The following FAM234B variants were observed in gnomAD, a reference collection of about 807,000 sequenced individuals.
FAM234B encodes the protein protein FAM234B.
A neutral mutation model predicts 69.3 loss-of-function variants in FAM234B; 33 were observed. That is an observed-to-expected ratio of 0.48 (90% CI 0.36 to 0.64). The LOEUF (loss-of-function observed/expected upper bound fraction) is 0.64, where lower values mean the gene tolerates loss of function less well. Among genes scored for constraint, FAM234B ranks in the 30% least tolerant of loss-of-function variants. The pLI is 0.00. For missense variants in FAM234B, 697 were observed against 769.7 expected (o/e 0.91, Z 1.12); for synonymous variants, 306 against 306.9 (o/e 1.00, Z 0.03).
chr12:13,059,486 C>T (rs970647655), intron 3 of FAM234B, among the ~76,000 whole-genome samples: 4 of 152,176 alleles, frequency 2.6e-5, no homozygotes, highest in Non-Finnish European at 5.9e-5. Context: ...AGAAAAAATG[C>T]GTTCTGATTT....
At chr12:13,072,628 G>T (rs1865118380) in intron 10 of FAM234B, among the ~76,000 whole-genome samples, 1 of 151,680 alleles carries the variant, frequency 6.6e-6, no homozygotes, top group Non-Finnish European at 1.5e-5. Context: ...TATCTGGGAG[G>T]CTGAGGCAGG....
intron 4 of FAM234B, chr12:13,062,040 CTGTTCTT>C (rs1864989972): frequency 3.4e-6 from 1 of 295,746 alleles, no homozygotes. Context: ...TCTCCCAACT[CTGTTCTT>C]TGTACAAAAG....
chr12:13,081,508 T>C lies in FAM234B; in HGVS notation c.*878T>C, dbSNP rs1865225573. 6.6e-6 allele frequency: 1 copy of C among 152,240 alleles called. No individual in the cohort carries two copies. The highest frequency in any genetic ancestry group is 1.5e-5 in the Non-Finnish European group (1 of 68,050). The allele number at this position is 152,240 out of a possible 1,614,324, so 9.4% of individuals were successfully genotyped here. A position where few individuals can be genotyped will look rare whatever the true frequency, so the allele number is the denominator to read the frequency against. On this transcript the variant is annotated 3_prime_UTR_variant, in exon 13 of 13. Transcript: ENST00000197268. ...GAGGAGAACTGGAAGTCAGGAGCCT[T>C]TGATGTCCTTATCCTGCTGTATGTC... is the stretch of plus-strand genomic sequence containing the variant.
At chr12:13,053,757 C>A (rs901298023) in intron 1 of FAM234B, among the ~76,000 whole-genome samples, 9 of 152,144 alleles carry the variant, frequency 5.9e-5, no homozygotes, top group Non-Finnish European at 1.0e-4. Flanking sequence ...CCAAAATTTA[C>A]CAGGCTGGAA....
In FAM234B at chr12:13,061,560, CTT is replaced by C. The variant is rs751493428; in HGVS notation, c.533-14_533-13del. Reference sequence around the variant, plus strand: ...TGCCTGCTTTCCTTTTTTTATCTCTCTTGTGTGCTTTTAGGTGTCTCAAGACC... The same window carrying C: ...TGCCTGCTTTCCTTTTTTTATCTCTCGTGTGCTTTTAGGTGTCTCAAGACC... On this transcript the variant is annotated splice_polypyrimidine_tract_variant and intron_variant, in intron 3 of 12. Transcript: ENST00000197268. The C allele has an allele frequency of 6.2e-7, 1 of 1,600,730 alleles. No homozygotes were observed. The highest frequency in any genetic ancestry group is 1.1e-5 in the South Asian group (1 of 89,640).
chr12:13,045,587 G>C (rs775221162), intron 1 of FAM234B, among the ~76,000 whole-genome samples: 3 of 151,874 alleles, frequency 2.0e-5, no homozygotes, highest in Non-Finnish European at 4.4e-5. Context: ...ATTAATTTGC[G>C]TTTCTGTCCC....
At chr12:13,072,689 A>G (rs10845703) in intron 10 of FAM234B, among the ~76,000 whole-genome samples, 3 of 150,604 alleles carry the variant, frequency 2.0e-5, no homozygotes, top group Non-Finnish European at 3.0e-5. Context: ...GAGATCATGC[A>G]ATTGCACTCC....
intron 5 of FAM234B, among the ~76,000 whole-genome samples, chr12:13,064,102 A>C (rs1865012639): frequency 6.6e-6 from 1 of 152,222 alleles, no homozygotes; most frequent in Admixed American, 6.5e-5. Flanking sequence ...GCTCTAGCAC[A>C]CTAAACTCTC....
intron 9 of FAM234B, among the ~76,000 whole-genome samples, chr12:13,069,327 A>G (rs1591600861): frequency 6.6e-6 from 1 of 151,704 alleles, no homozygotes; most frequent in African/African-American, 2.4e-5. Context: ...CAGAGTTACA[A>G]TTTTTTTTTA....
chr12:13,054,253 A>G (rs1394120793), intron 1 of FAM234B, among the ~76,000 whole-genome samples: 1 of 140,366 alleles, frequency 7.1e-6, no homozygotes, highest in Non-Finnish European at 1.5e-5. Context: ...TGTCCATGAA[A>G]TCTTACAATT....
chr12:13,083,370 G>A lies in FAM234B; in HGVS notation c.*2740G>A, dbSNP rs148641572. 2.2e-4 allele frequency: 34 copies of A among 152,524 alleles called. No homozygotes were observed. Among genetic ancestry groups the A allele is most frequent in the African/African-American group, 7.5e-4 (31 of 41,452 alleles). The allele number at this position is 152,524 out of a possible 1,614,324, so 9.4% of individuals were successfully genotyped here. A position where few individuals can be genotyped will look rare whatever the true frequency, so the allele number is the denominator to read the frequency against. Reference sequence around the variant, plus strand: ...CTATCCTTATTGCCCTATTAAAGAAGAGCCAGCTGGTATATTGTCAGGAAG... The same window carrying A: ...CTATCCTTATTGCCCTATTAAAGAAAAGCCAGCTGGTATATTGTCAGGAAG... On this transcript the variant is annotated 3_prime_UTR_variant, in exon 13 of 13. Transcript: ENST00000197268.
rs1270304463 is a variant in FAM234B, at chr12:13,057,230, G to T, written c.434-1221G>T. On this transcript the variant is annotated intron_variant, in intron 2 of 12. Coordinates refer to ENST00000197268, the MANE Select transcript of FAM234B (RefSeq NM_020853.2). ...TGACCTCAGGTGATCCACCCACCTC[G>T]GCCTCCCAAAGTGCTGGGATTATAG... 1.3e-5 allele frequency among the ~76,000 whole-genome samples: 2 copies of T among 151,956 alleles called. 1 individual carries two copies. Among genetic ancestry groups the T allele is most frequent in the East Asian group, 3.9e-4 (2 of 5,188 alleles).
Position 13,066,788 on chromosome 12 carries a change from G to T in FAM234B, c.1000+1G>T, listed in dbSNP as rs777026215. On this transcript the variant is annotated splice_donor_variant, in intron 6 of 12. Coordinates refer to ENST00000197268, the MANE Select transcript of FAM234B (RefSeq NM_020853.2). LOFTEE classifies it high-confidence loss of function. The stretch of plus-strand genomic sequence containing the variant: ...GCTGTCTACATCCTGTTTGGCTTTG[G>T]TAAGAAGCAAGGCTAGTTTTTGCTC... 1 of 1,611,310 alleles carries T rather than the reference G, an allele frequency of 6.2e-7. No individual in the cohort carries two copies. The highest frequency in any genetic ancestry group is 8.5e-7 in the Non-Finnish European group (1 of 1,178,828).
chr12:13,046,197 C>G (rs1288852707), intron 1 of FAM234B, among the ~76,000 whole-genome samples: 2 of 96,590 alleles, frequency 2.1e-5, no homozygotes, highest in Admixed American at 2.1e-4. Context: ...CGTCTGATCT[C>G]GGAAGCTAAG....
chr12:13,055,377 C>A (rs1221904581), intron 1 of FAM234B, among the ~76,000 whole-genome samples, 174 bp from the exon 2 acceptor site: 2 of 152,196 alleles, frequency 1.3e-5, no homozygotes, highest in African/African-American at 2.4e-5. Context: ...ATTCCTAACC[C>A]CTGCTTCACT....
rs551415364 is a variant in FAM234B, at chr12:13,082,125, A to AT, written c.*1506dup. The AT allele has an allele frequency of 6.6e-3, 966 of 145,750 alleles. 7 individuals carry two copies. Among genetic ancestry groups the AT allele is most frequent in the Middle Eastern group, 0.011 (3 of 280 alleles). The allele number at this position is 145,750 out of a possible 1,614,324, so 9.0% of individuals were successfully genotyped here. A position where few individuals can be genotyped will look rare whatever the true frequency, so the allele number is the denominator to read the frequency against. On this transcript the variant is annotated 3_prime_UTR_variant, in exon 13 of 13. Transcript: ENST00000197268. Reference sequence around the variant, plus strand: ...AGGTGCCCGCTACCATGCCTGGCTAATTTTTTTTTTTGTATTTTTAGTAGA... The same window carrying AT: ...AGGTGCCCGCTACCATGCCTGGCTAATTTTTTTTTTTTGTATTTTTAGTAGA...
chr12:13,047,125 C>G (rs1450824953), intron 1 of FAM234B, among the ~76,000 whole-genome samples: 1 of 152,140 alleles, frequency 6.6e-6, no homozygotes, highest in Non-Finnish European at 1.5e-5. Flanking sequence ...ATTGACAGAT[C>G]TCAGCAGTCT....
At chr12:13,079,072 G>A (rs991736874) in intron 11 of FAM234B, among the ~76,000 whole-genome samples, 7 of 152,084 alleles carry the variant, frequency 4.6e-5, no homozygotes, top group South Asian at 2.1e-4. Flanking sequence ...AAAAGAGCCC[G>A]TATCACCAAG....
Position 13,071,429 on chromosome 12 carries a change from T to G in FAM234B, c.1524+33T>G, listed in dbSNP as rs768473568. On this transcript the variant is annotated intron_variant, in intron 10 of 12. Coordinates refer to ENST00000197268, the MANE Select transcript of FAM234B (RefSeq NM_020853.2). ...AGCCTGGGAGGGTCCCTTTTTTACT[T>G]TGTCAGATGGCAGCTGCTGTGCAGG... The G allele has an allele frequency of 5.6e-6, 9 of 1,599,286 alleles. No individual in the cohort carries two copies. The East Asian group carries it at 2.0e-4, about 36-fold the overall frequency.
Sources: allele counts gnomAD v4.1 joint callset (sites outside exome capture counted in the v4.1 genomes callset), GRCh38; gene constraint gnomAD v4.1.1; transcripts MANE v1.5; gene names NCBI Gene and HGNC (gene_info 2026-07-23, HGNC 2026-07-21).